SLC36A1: variants seen among roughly 807,000 people sequenced by gnomAD.
SLC36A1 encodes solute carrier family 36 member 1.
Under a neutral mutation model 47.5 loss-of-function variants are expected in SLC36A1, and 30 were observed. The observed-to-expected ratio is 0.63, with a 90% confidence interval of 0.47 to 0.86. The LOEUF is 0.86. Ranked by LOEUF, SLC36A1 falls within the 40% of genes least tolerant of loss-of-function variation. The pLI, the probability that SLC36A1 is intolerant of heterozygous loss-of-function variation, is 0.00. For synonymous variants in SLC36A1, 255 were observed against 249.7 expected, an observed-to-expected ratio of 1.02 and a Z score of -0.20; for missense variants, 517 against 606.0, an observed-to-expected ratio of 0.85 and a Z score of 1.54.
At chr5:151,484,024 A>C (rs1759185756) in intron 10 of SLC36A1, among the ~76,000 whole-genome samples, 1 of 152,196 alleles carries the variant, frequency 6.6e-6, no homozygotes, top group Non-Finnish European at 1.5e-5. Context: ...TTTTTAGATT[A>C]CTTATAAAAT....
chr5:151,497,283 G>A (rs570355415), downstream of SLC36A1, among the ~76,000 whole-genome samples: 1 of 152,228 alleles, frequency 6.6e-6, no homozygotes, highest in East Asian at 1.9e-4. Flanking sequence ...TCTGTACTGA[G>A]ATATTTAAAA....
At chr5:151,405,507 C>T in the SLC36A1 span, among the ~76,000 whole-genome samples, 4 of 152,074 alleles carry the variant, frequency 2.6e-5, no homozygotes, top group African/African-American at 9.7e-5. Flanking sequence ...AGCCACTGCA[C>T]CCAACACCTC....
At chr5:151,374,735 A>T in the SLC36A1 span, among the ~76,000 whole-genome samples, 32,153 of 151,968 alleles carry the variant, frequency 0.21, 3,545 homozygotes, top group African/African-American at 0.25. Flanking sequence ...CCTTGCCAAC[A>T]TCTGTTATAT....
chr5:151,521,447 C>T, the SLC36A1 span: 2 of 1,614,182 alleles, frequency 1.2e-6, no homozygotes, highest in Non-Finnish European at 1.7e-6. Context: ...CGCATCTGAA[C>T]CCCCACTGAA....
intron 1 of SLC36A1, among the ~76,000 whole-genome samples, chr5:151,454,745 C>G (rs1404937125): frequency 7.4e-6 from 1 of 135,012 alleles, no homozygotes; most frequent in African/African-American, 3.0e-5. Context: ...CGGAGTCTCG[C>G]TCTGTCGCCC....
the SLC36A1 span, chr5:151,510,044 G>A: frequency 1.2e-6 from 2 of 1,614,104 alleles, no homozygotes. Flanking sequence ...AAGGATGAGG[G>A]CAGTTACAGG....
chr5:151,470,205 A>G (rs548376279), intron 7 of SLC36A1, among the ~76,000 whole-genome samples: 55 of 152,242 alleles, frequency 3.6e-4, no homozygotes, highest in African/African-American at 1.3e-3. Context: ...TGTAATTAGA[A>G]CTCTCAAGAG....
At position 151,467,943 on chromosome 5, in the gene SLC36A1, C is replaced by T. The variant is rs1159721069; in HGVS notation, c.723+18C>T. 4.4e-6 allele frequency: 7 copies of T among 1,604,306 alleles called. No individual in the cohort carries two copies. The highest frequency in any genetic ancestry group is 6.0e-6 in the Non-Finnish European group (7 of 1,171,922). On this transcript the variant is annotated intron_variant, in intron 7 of 10. Coordinates refer to ENST00000243389, the MANE Select transcript of SLC36A1 (RefSeq NM_078483.4). ...TTGTTCAGGTACATGCCTAGGCCCT[C>T]TCCTATCATCTTGGTTCAATATTTT...
the SLC36A1 span, among the ~76,000 whole-genome samples, chr5:151,416,357 C>T: frequency 6.6e-6 from 1 of 152,214 alleles, no homozygotes; most frequent in African/African-American, 2.4e-5. Context: ...GATCTGGACT[C>T]TTTCTGCTTT....
the SLC36A1 span, among the ~76,000 whole-genome samples, chr5:151,350,227 C>T: frequency 6.6e-6 from 1 of 151,938 alleles, no homozygotes; most frequent in Non-Finnish European, 1.5e-5. Flanking sequence ...ATAATAGCGA[C>T]TCACATGTAT....
intron 1 of SLC36A1, chr5:151,450,776 T>C (rs1753538038): frequency 6.6e-6 from 1 of 152,318 alleles, no homozygotes; most frequent in East Asian, 1.9e-4. Context: ...GTCAGATGAG[T>C]GAATAGTCTT....
chr5:151,353,220 A>G, the SLC36A1 span, among the ~76,000 whole-genome samples: 1 of 152,196 alleles, frequency 6.6e-6, no homozygotes. Flanking sequence ...TCATAGACTC[A>G]TAGTACTTAG....
the SLC36A1 span, among the ~76,000 whole-genome samples, chr5:151,393,078 G>A: frequency 6.6e-6 from 1 of 151,068 alleles, no homozygotes; most frequent in African/African-American, 2.4e-5. Flanking sequence ...TTATGAATCT[G>A]GGTGCTCCTG....
the SLC36A1 span, among the ~76,000 whole-genome samples, chr5:151,365,420 C>T: frequency 9.9e-5 from 15 of 152,148 alleles, no homozygotes; most frequent in Admixed American, 5.9e-4. Context: ...GGAAAGTGGC[C>T]AGTTCAGGGG....
the SLC36A1 span, among the ~76,000 whole-genome samples, chr5:151,420,870 C>CTTTT: frequency 6.9e-6 from 1 of 144,480 alleles, no homozygotes; most frequent in African/African-American, 2.5e-5. Flanking sequence ...CTTTCTTTCT[C>CTTTT]TTTCTTTCTT....
At chr5:151,472,307 A>G (rs1757422727) in intron 7 of SLC36A1, among the ~76,000 whole-genome samples, 1 of 152,220 alleles carries the variant, frequency 6.6e-6, no homozygotes, top group East Asian at 1.9e-4. Flanking sequence ...GCCTTTTCAC[A>G]TTCTTCTGCC....
intron 10 of SLC36A1, among the ~76,000 whole-genome samples, chr5:151,482,211 T>C (rs1758893054): frequency 6.6e-6 from 1 of 152,180 alleles, no homozygotes; most frequent in Non-Finnish European, 1.5e-5. Flanking sequence ...TTTCACACTT[T>C]TTAGTCTTGC....
the SLC36A1 span, chr5:151,545,615 A>G: frequency 4.1e-5 from 66 of 1,614,084 alleles, no homozygotes; most frequent in African/African-American, 8.3e-4. Context: ...TAGACACAGA[A>G]TTGGAAAGAG....
chr5:151,458,351 A>G (rs1754987745), intron 1 of SLC36A1, among the ~76,000 whole-genome samples: 1 of 121,498 alleles, frequency 8.2e-6, no homozygotes, highest in Non-Finnish European at 1.7e-5. Flanking sequence ...TTATATATAT[A>G]TATATACACA....
Sources: gnomAD v4.1 joint callset for allele counts (sites outside exome capture counted in the v4.1 genomes callset) on GRCh38, gnomAD v4.1.1 for gene constraint, MANE v1.5 for transcripts, NCBI Gene and HGNC (gene_info 2026-07-23, HGNC 2026-07-21) for gene names.